ASIC1: variants seen among roughly 807,000 people sequenced by gnomAD.
The protein encoded by ASIC1 is acid sensing ion channel subunit 1, also known as acid-sensing ion channel 1.
Under a neutral mutation model 63.4 loss-of-function variants are expected in ASIC1, and 21 were observed. The observed-to-expected ratio is 0.33, with a 90% confidence interval of 0.23 to 0.48. The LOEUF is 0.48. Among genes scored for constraint, ASIC1 ranks in the 20% least tolerant of loss-of-function variants. The pLI is 0.99. For synonymous variants in ASIC1, 258 were observed against 278.2 expected (o/e 0.93, Z 0.72); for missense variants, 478 against 695.5 (o/e 0.69, Z 3.52).
At chr12:50,066,174 C>T (rs575830516) in intron 3 of ASIC1, among the ~76,000 whole-genome samples, 10 of 152,286 alleles carry the variant, frequency 6.6e-5, no homozygotes, top group African/African-American at 2.4e-4. Flanking sequence ...TTTACAAATT[C>T]CCTTTACTTT....
Position 50,058,946 on chromosome 12 carries a change from G to A in ASIC1, c.180G>A (p.Val60=). The change falls in exon 2 of 12, where the codon GTG becomes GTA. Residue 60 remains valine (V), a synonymous_variant. Transcript: ENST00000447966. ...GCTCCCTGGCTGTGCTGCTGTGTGTGTGCACGGAGCGTGTGCAGTACTACT... is the reference window on the plus strand; with the variant it reads ...GCTCCCTGGCTGTGCTGCTGTGTGTATGCACGGAGCGTGTGCAGTACTACT... ...FLGSLAVLLC[V]CTERVQYYFH... 3 of 1,614,124 alleles carry A rather than the reference G, an allele frequency of 1.9e-6. No homozygotes were observed. The highest frequency in any genetic ancestry group is 4.5e-5 in the East Asian group (2 of 44,888).
At position 50,078,990 on chromosome 12, in the gene ASIC1, C is replaced by T. The variant is rs754505122; in HGVS notation, c.1051+10C>T. 1.2e-6 allele frequency: 2 copies of T among 1,612,798 alleles called. No homozygotes were observed. Among genetic ancestry groups the T allele is most frequent in the East Asian group, 4.5e-5 (2 of 44,792 alleles). On this transcript the variant is annotated intron_variant, in intron 7 of 11. Coordinates refer to ENST00000447966, the MANE Select transcript of ASIC1 (RefSeq NM_001095.4). The surrounding 1 kb of genome is among the most constrained non-coding windows in gnomAD (Gnocchi z 6.0). ...GCAGATCCTGCTCTGGGTGAGCGCCCCTGGCCTGGGGCAGTCTGGGGGAGG... is the reference window on the plus strand; with the variant it reads ...GCAGATCCTGCTCTGGGTGAGCGCCTCTGGCCTGGGGCAGTCTGGGGGAGG...
intron 8 of ASIC1, 92 bp downstream of exon 8, chr12:50,080,147 G>T: frequency 6.7e-7 from 1 of 1,495,812 alleles, no homozygotes; most frequent in Non-Finnish European, 9.0e-7. Context: ...TGGCAGGCAG[G>T]GGGAACTTGA....
intron 3 of ASIC1, among the ~76,000 whole-genome samples, chr12:50,064,244 T>C (rs1200759347): frequency 6.6e-6 from 1 of 152,050 alleles, no homozygotes; most frequent in African/African-American, 2.4e-5. Flanking sequence ...TGTCCCTCTC[T>C]CCTAGGAAGT....
chr12:50,068,599 C>T (rs1950567732), intron 3 of ASIC1, among the ~76,000 whole-genome samples: 1 of 152,068 alleles, frequency 6.6e-6, no homozygotes, highest in South Asian at 2.1e-4. Flanking sequence ...CAGCTCCAGT[C>T]GCCAATTTTC....
chr12:50,064,181 G>A (rs534731597), intron 3 of ASIC1, among the ~76,000 whole-genome samples: 2 of 152,142 alleles, frequency 1.3e-5, no homozygotes, highest in Admixed American at 1.3e-4. Context: ...TTGGGGGAAG[G>A]GTTCCTGCCC....
intron 3 of ASIC1, among the ~76,000 whole-genome samples, chr12:50,076,201 T>C (rs1950653399): frequency 6.6e-6 from 1 of 152,136 alleles, no homozygotes; most frequent in Admixed American, 6.5e-5. Context: ...GCACGGTGGC[T>C]CATGCCTGTA....
chr12:50,069,897 G>A (rs1350372481), intron 3 of ASIC1, among the ~76,000 whole-genome samples: 1 of 152,140 alleles, frequency 6.6e-6, no homozygotes, highest in Non-Finnish European at 1.5e-5. Flanking sequence ...CCAGCCTCCA[G>A]CCCACTTCTT....
intron 3 of ASIC1, among the ~76,000 whole-genome samples, chr12:50,061,418 A>G (rs1027111562): frequency 6.6e-6 from 1 of 152,128 alleles, no homozygotes; most frequent in Non-Finnish European, 1.5e-5. Flanking sequence ...TGCAAGAACC[A>G]CTTCCTTCCC....
intron 3 of ASIC1, among the ~76,000 whole-genome samples, chr12:50,061,455 T>A (rs1392618821): frequency 6.6e-6 from 1 of 151,828 alleles, no homozygotes; most frequent in Non-Finnish European, 1.5e-5. Context: ...AACAGGAGAG[T>A]CCTGGATTCC....
rs1045643144 is a variant in ASIC1 at position 50,057,681 on chromosome 12, G to C, written c.-252G>C. ...GAGCACCGCGCACCGCGCCGAGCCC[G>C]GGCAGACCGAGCCGAGGCGAGCGAG... On this transcript the variant is annotated 5_prime_UTR_variant, in exon 1 of 12. Coordinates refer to ENST00000447966, the MANE Select transcript of ASIC1 (RefSeq NM_001095.4). The surrounding 1 kb of genome is among the most constrained non-coding windows in gnomAD (Gnocchi z 4.7). The C allele has an allele frequency of 6.6e-6, 1 of 151,572 alleles. No homozygotes were observed. The highest frequency in any genetic ancestry group is 1.5e-5 in the Non-Finnish European group (1 of 67,718). 9.4% of individuals were successfully genotyped at this position (151,572 alleles called of 1,614,324 possible).
At chr12:50,072,561 G>A (rs1950610484) in intron 3 of ASIC1, among the ~76,000 whole-genome samples, 1 of 152,146 alleles carries the variant, frequency 6.6e-6, no homozygotes, top group Non-Finnish European at 1.5e-5. Flanking sequence ...ACCTGACCCA[G>A]GTCCCCCTGC....
At chr12:50,065,507 C>T (rs1950537679) in intron 3 of ASIC1, among the ~76,000 whole-genome samples, 1 of 152,196 alleles carries the variant, frequency 6.6e-6, no homozygotes, top group African/African-American at 2.4e-5. Context: ...CACGGTGCCC[C>T]ATGTGTAATG....
In ASIC1 at chr12:50,077,196, C is replaced by T. The variant is rs763535348; in HGVS notation, c.559-17C>T. On this transcript the variant is annotated splice_polypyrimidine_tract_variant and intron_variant, in intron 3 of 11. Transcript: ENST00000447966. ...GTGCTGGCAGGACTCTTAGGCTCTC[C>T]ACTCTGCCCTCGCCAGGTCTTCACA... 19 of 1,603,916 alleles carry T rather than the reference C, an allele frequency of 1.2e-5. No homozygotes were observed. Among genetic ancestry groups the T allele is most frequent in the Non-Finnish European group, 1.5e-5 (18 of 1,174,078 alleles).
chr12:50,080,135 GC>G (rs1295134381), intron 8 of ASIC1, 80 bp downstream of exon 8: 10 of 1,522,206 alleles, frequency 6.6e-6, no homozygotes, highest in African/African-American at 1.4e-5. Flanking sequence ...GGGGGCGGGG[GC>G]TGGCAGGCAG....
intron 3 of ASIC1, among the ~76,000 whole-genome samples, chr12:50,073,184 G>A (rs911330054): frequency 2.6e-5 from 4 of 152,086 alleles, no homozygotes; most frequent in Non-Finnish European, 5.9e-5. Context: ...GCTAGGTCCC[G>A]TCTCACCTGG....
chr12:50,072,915 A>C, intron 3 of ASIC1, among the ~76,000 whole-genome samples: 1 of 152,036 alleles, frequency 6.6e-6, no homozygotes, highest in East Asian at 1.9e-4. Context: ...GGAGGGGAAG[A>C]GAAACAGGGT....
chr12:50,061,984 G>A (rs1950504992), intron 3 of ASIC1, among the ~76,000 whole-genome samples: 1 of 152,172 alleles, frequency 6.6e-6, no homozygotes, highest in Non-Finnish European at 1.5e-5. Flanking sequence ...TTGCTTCTGG[G>A]TTGTCAGGGA....
intron 7 of ASIC1, 55 bp downstream of exon 7, chr12:50,079,035 C>G: frequency 6.4e-7 from 1 of 1,559,120 alleles, no homozygotes; most frequent in South Asian, 1.1e-5. Flanking sequence ...CTGCCAGCCA[C>G]GTGCGCAGGA....
Sources: allele counts gnomAD v4.1 joint callset (sites outside exome capture counted in the v4.1 genomes callset), GRCh38; gene constraint gnomAD v4.1.1; non-coding constraint Gnocchi (gnomAD v3.1); transcripts MANE v1.5; gene names NCBI Gene and HGNC (gene_info 2026-07-23, HGNC 2026-07-21).